The following CDKL4 variants were observed in gnomAD, a reference collection of about 807,000 sequenced individuals.
CDKL4 encodes the protein cyclin dependent kinase like 4.
A neutral mutation model predicts 42.0 loss-of-function variants in CDKL4; 44 were observed. The ratio of observed to expected loss-of-function variants is 1.05; its 90% CI spans 0.82 to 1.35. The LOEUF is 1.35. Among genes scored for constraint, CDKL4 ranks in the 40% most tolerant of loss-of-function variants. The pLI, the probability that CDKL4 is intolerant of heterozygous loss-of-function variation, is 0.00. For synonymous variants in CDKL4, 120 were observed against 121.6 expected (o/e 0.99, Z 0.09); for missense variants, 393 against 369.9 (o/e 1.06, Z -0.51).
At chr2:39,185,140 ATATATG>A (rs2148289191) in intron 7 of CDKL4, among the ~76,000 whole-genome samples, 2 of 133,634 alleles carry the variant, frequency 1.5e-5, no homozygotes, top group South Asian at 4.5e-4. Context: ...ATATATACAT[ATATATG>A]TGTATATATA....
chr2:39,227,558 T>C (rs139166910), intron 2 of CDKL4, among the ~76,000 whole-genome samples: 3 of 151,858 alleles, frequency 2.0e-5, no homozygotes, highest in African/African-American at 7.2e-5. Context: ...TGAGACCCCA[T>C]CTCTCTAAGG....
chr2:39,217,712 ATT>A, intron 3 of CDKL4, among the ~76,000 whole-genome samples: 1 of 3,946 alleles, frequency 2.5e-4, no homozygotes, highest in East Asian at 7.6e-3. Flanking sequence ...TTATTTATTT[ATT>A]TATTTATTTA....
chr2:39,239,121 T>C (rs1245604857), intron 1 of CDKL4, among the ~76,000 whole-genome samples: 1 of 152,162 alleles, frequency 6.6e-6, no homozygotes, highest in African/African-American at 2.4e-5. Context: ...CAAATGATAC[T>C]AGGACCATTG....
intron 8 of CDKL4, among the ~76,000 whole-genome samples, chr2:39,181,721 T>A (rs1355377835): frequency 6.6e-6 from 1 of 151,846 alleles, no homozygotes; most frequent in African/African-American, 2.4e-5. Flanking sequence ...ACACACAGAG[T>A]GAATGCCATG....
intron 5 of CDKL4, among the ~76,000 whole-genome samples, chr2:39,201,640 A>T (rs1342650695): frequency 2.0e-5 from 3 of 152,228 alleles, no homozygotes; most frequent in East Asian, 3.8e-4. Context: ...ACTTAGTCAT[A>T]CAAAGGAACA....
chr2:39,243,302 C>T (rs1268057514), intron 1 of CDKL4, among the ~76,000 whole-genome samples: 1 of 152,000 alleles, frequency 6.6e-6, no homozygotes, highest in East Asian at 1.9e-4. Context: ...TCAAATGGGC[C>T]ATTAAATCAT....
rs191169415 is a variant in CDKL4 at position 39,226,625 on chromosome 2, A to C, written c.169-665T>G. Among the ~76,000 whole-genome samples the C allele has an allele frequency of 4.6e-3, 704 of 151,880 alleles. 5 individuals carry two copies. The highest frequency in any genetic ancestry group is 0.016 in the African/African-American group (656 of 41,448). On this transcript the variant is annotated intron_variant, in intron 2 of 9. Transcript: ENST00000451199. ...ATCGCAAACCCAAGGAAAAATGCTG[A>C]TTAGGTAGGACAGACCATCACTACA...
At chr2:39,190,721 C>T (rs1333868310) in intron 5 of CDKL4, among the ~76,000 whole-genome samples, 4 of 152,198 alleles carry the variant, frequency 2.6e-5, no homozygotes, top group South Asian at 2.1e-4. Context: ...CTTACTACTC[C>T]AAACTGGGGT....
intron 1 of CDKL4, among the ~76,000 whole-genome samples, chr2:39,243,619 G>GGCCCCCGCC: frequency 6.6e-6 from 1 of 152,158 alleles, no homozygotes; most frequent in Non-Finnish European, 1.5e-5. Context: ...CGCGCTCCTC[G>GGCCCCCGCC]GCCCCCGCCG....
rs74579526 is a variant in CDKL4 at position 39,242,044 on chromosome 2, C to CT, written c.-57+1826dup. On this transcript the variant is annotated intron_variant, in intron 1 of 9. Transcript: ENST00000451199. ...GAAAATAGTTTTCTTTTTCTTTTTC[C>CT]TTTTTTTTTTTTTTTAACTGAGACA... 7.9e-3 allele frequency among the ~76,000 whole-genome samples: 1,110 copies of CT among 141,184 alleles called. 8 individuals carry two copies. Among genetic ancestry groups the CT allele is most frequent in the African/African-American group, 0.024 (911 of 38,742 alleles). The allele number at this position is 141,184 out of a possible 152,430, so 92.6% of individuals were successfully genotyped here. A position where few individuals can be genotyped will look rare whatever the true frequency, so the allele number is the denominator to read the frequency against.
At chr2:39,229,677 G>T (rs978764238) in intron 1 of CDKL4, 89 bp from the exon 2 acceptor site, 4 of 516,700 alleles carry the variant, frequency 7.7e-6, no homozygotes, top group East Asian at 3.2e-5. Context: ...ACATGCCAAA[G>T]GTTTATATTC....
chr2:39,211,730 T>C (rs1428528041), intron 4 of CDKL4, among the ~76,000 whole-genome samples: 1 of 151,706 alleles, frequency 6.6e-6, no homozygotes, highest in Non-Finnish European at 1.5e-5. Context: ...TAATCATCAC[T>C]GGATGCTAAA....
intron 3 of CDKL4, among the ~76,000 whole-genome samples, chr2:39,224,771 T>A (rs1168638345): frequency 6.6e-6 from 1 of 152,154 alleles, no homozygotes; most frequent in East Asian, 1.9e-4. Context: ...CCCAAAGGCA[T>A]GAGACACTGC....
intron 4 of CDKL4, among the ~76,000 whole-genome samples, chr2:39,210,633 G>C (rs1384921645): frequency 3.3e-5 from 5 of 152,156 alleles, no homozygotes; most frequent in Non-Finnish European, 7.3e-5. Context: ...CAAGTACCCA[G>C]GAAAGTGTCT....
intron 2 of CDKL4, among the ~76,000 whole-genome samples, chr2:39,228,944 A>G (rs1254449063): frequency 6.6e-6 from 1 of 152,214 alleles, no homozygotes; most frequent in Non-Finnish European, 1.5e-5. Flanking sequence ...CCTGGGGTGC[A>G]GTGCAGGCAG....
intron 3 of CDKL4, among the ~76,000 whole-genome samples, chr2:39,222,867 C>T (rs1277942381): frequency 6.6e-6 from 1 of 152,068 alleles, no homozygotes; most frequent in African/African-American, 2.4e-5. Context: ...TATAGAATGG[C>T]TGAACATATC....
At chr2:39,175,588 A>G (rs1431149671), downstream of CDKL4, 1 of 163,500 alleles carries the variant, frequency 6.1e-6, no homozygotes, top group Non-Finnish European at 1.3e-5. Context: ...GCAGGAACAT[A>G]TGTCATTTCT....
rs1676117322 is a variant in CDKL4 at position 39,190,452 on chromosome 2, G to A, written c.505C>T (p.Pro169Ser). 2 of 1,614,080 alleles carry A rather than the reference G, an allele frequency of 1.2e-6. No homozygotes were observed. The highest frequency in any genetic ancestry group is 1.7e-6 in the Non-Finnish European group (2 of 1,180,026). ...TGAGTATCTCCCACAAGAAGTTCAG[G>A]AGCTCGGTACCATCTCGTAGCTACA... is the stretch of plus-strand genomic sequence containing the variant. Residue 169 changes from proline (P) to serine (S), a missense_variant, in exon 6 of 10, where the codon CCT (proline) becomes TCT (serine). Physicochemically the swap from Pro to Ser is moderately conservative, Grantham distance 74 (BLOSUM62 -1). Transcript: ENST00000451199.
intron 7 of CDKL4, among the ~76,000 whole-genome samples, chr2:39,185,241 C>CAT (rs1336587468): frequency 0.016 from 123 of 7,690 alleles, 36 homozygotes; most frequent in African/African-American, 0.027. Flanking sequence ...CGTATATATA[C>CAT]ATATATACAC....
Sources: gnomAD v4.1 joint callset for allele counts (sites outside exome capture counted in the v4.1 genomes callset) on GRCh38, gnomAD v4.1.1 for gene constraint, MANE v1.5 for transcripts, NCBI Gene and HGNC (gene_info 2026-07-23, HGNC 2026-07-21) for gene names.